GIT2: variants seen among roughly 807,000 people sequenced by gnomAD.
GIT2 encodes ARF GTPase-activating protein GIT2.
GIT2 carries 32 observed loss-of-function variants against 100.3 expected under a neutral mutation model. That is an observed-to-expected ratio of 0.32 (90% confidence interval 0.24 to 0.43). The LOEUF (loss-of-function observed/expected upper bound fraction) is 0.43, where lower values mean the gene tolerates loss of function less well. Ranked by LOEUF, GIT2 falls within the 20% of genes least tolerant of loss-of-function variation. The pLI is 1.00. For missense variants in GIT2, 737 were observed against 975.1 expected (o/e 0.76, Z 3.25); for synonymous variants, 353 against 364.1 (o/e 0.97, Z 0.35).
chr12:109,944,180 TA>T (rs1565942153), intron 16 of GIT2, among the ~76,000 whole-genome samples: 2 of 151,998 alleles, frequency 1.3e-5, no homozygotes, highest in Admixed American at 1.3e-4. Context: ...ACTCTGTCTC[TA>T]AAAAATAAAA....
In GIT2 at chr12:109,929,971, A is replaced by G. The variant is rs1265491250; in HGVS notation, c.*3007T>C. The G allele has an allele frequency of 1.3e-5, 2 of 152,538 alleles. No homozygotes were observed. The highest frequency in any genetic ancestry group is 2.9e-5 in the Non-Finnish European group (2 of 68,042). The allele number at this position is 152,538 out of a possible 1,614,324, so 9.4% of individuals were successfully genotyped here. A position where few individuals can be genotyped will look rare whatever the true frequency, so the allele number is the denominator to read the frequency against. On this transcript the variant is annotated 3_prime_UTR_variant, in exon 20 of 20. Transcript: ENST00000355312. ...GAATAAAAGGCATCTCAGTTTTCCT[A>G]TGCAGCATTTTCTTTTCTAGGAACA...
intron 14 of GIT2, among the ~76,000 whole-genome samples, chr12:109,950,315 G>A (rs1463779039): frequency 6.6e-6 from 1 of 152,204 alleles, no homozygotes; most frequent in Non-Finnish European, 1.5e-5. Flanking sequence ...TCAAATGACA[G>A]CCTAAAGACA....
intron 4 of GIT2, among the ~76,000 whole-genome samples, chr12:109,988,519 G>T (rs2136926090): frequency 6.6e-6 from 1 of 152,020 alleles, no homozygotes; most frequent in East Asian, 1.9e-4. Flanking sequence ...TCCAGCCTGG[G>T]CAACAGAGCA....
In GIT2 at chr12:109,989,033, T is replaced by C. The variant is rs763779421; in HGVS notation, c.335A>G (p.Gln112Arg). The change falls in exon 4 of 20, where the codon CAG (glutamine) becomes CGG (arginine). Residue 112 changes from glutamine to arginine, a missense_variant. Gln to Arg is a conservative substitution (Grantham distance 43, BLOSUM62 1). This residue lies in a region of GIT2 where 266 missense variants were observed against 376.2 expected (regional missense o/e 0.71). Coordinates refer to ENST00000355312, the MANE Select transcript of GIT2 (RefSeq NM_057169.5). The part of the protein sequence containing the change: ...NKAEFIRAKY[Q>R]MLAFVHRLPC... ...CAAGCGATGGACGAACGCTAACATCTGATACTTGGCTCTGATGAATTCCGC... is the reference window on the plus strand; with the variant it reads ...CAAGCGATGGACGAACGCTAACATCCGATACTTGGCTCTGATGAATTCCGC... The C allele has an allele frequency of 1.2e-6, 2 of 1,612,218 alleles. No individual in the cohort carries two copies. Among genetic ancestry groups the C allele is most frequent in the Non-Finnish European group, 1.7e-6 (2 of 1,178,270 alleles).
intron 7 of GIT2, among the ~76,000 whole-genome samples, chr12:109,972,797 G>A (rs571694582): frequency 6.6e-6 from 1 of 151,966 alleles, no homozygotes; most frequent in South Asian, 2.1e-4. Flanking sequence ...TTGCCTATCT[G>A]GAAATCCCAC....
At position 109,959,964 on chromosome 12, in the gene GIT2, G is replaced by C; in HGVS notation, c.988-6C>G. On this transcript the variant is annotated splice_polypyrimidine_tract_variant and splice_region_variant and intron_variant, in intron 11 of 19. Transcript: ENST00000355312. ...CGAGCTAACTTCTGTCTGCCCTAAA[G>C]GTGGGAAAATAATTGGAAATATTTC... The C allele has an allele frequency of 1.3e-6, 2 of 1,587,092 alleles. No individual in the cohort carries two copies. The highest frequency in any genetic ancestry group is 1.7e-6 in the Non-Finnish European group (2 of 1,155,854).
intron 11 of GIT2, among the ~76,000 whole-genome samples, chr12:109,960,643 T>C (rs536357500): frequency 6.6e-6 from 1 of 152,348 alleles, no homozygotes; most frequent in South Asian, 2.1e-4. Context: ...TCCTTATATA[T>C]AGCTGCTAAT....
At chr12:109,954,639 C>T (rs1283856494) in intron 12 of GIT2, 1 of 152,226 alleles carries the variant, frequency 6.6e-6, no homozygotes, top group Non-Finnish European at 1.5e-5. Context: ...GGGCTCACAT[C>T]CGTAATCCCA....
chr12:109,979,606 C>T (rs938778322), intron 7 of GIT2, among the ~76,000 whole-genome samples: 2 of 152,046 alleles, frequency 1.3e-5, no homozygotes, highest in Non-Finnish European at 2.9e-5. Flanking sequence ...TATGTACCTC[C>T]AGGTTTCAGG....
chr12:109,989,160 A>G (rs1353390791), intron 3 of GIT2, 92 bp from the exon 4 acceptor site: 2 of 790,994 alleles, frequency 2.5e-6, no homozygotes, highest in Non-Finnish European at 4.5e-6. Context: ...AGTGACCCAC[A>G]TCCCCCACTT....
intron 7 of GIT2, among the ~76,000 whole-genome samples, chr12:109,977,025 C>T (rs1885245108): frequency 6.6e-6 from 1 of 152,180 alleles, no homozygotes; most frequent in African/African-American, 2.4e-5. Context: ...TTCCCTCTGG[C>T]ATCATTTCCC....
Position 109,967,502 on chromosome 12 carries a change from A to T in GIT2, c.720T>A (p.Asp240Glu). 1 of 1,596,380 alleles carries T rather than the reference A, an allele frequency of 6.3e-7. No homozygotes were observed. The highest frequency in any genetic ancestry group is 8.6e-7 in the Non-Finnish European group (1 of 1,164,014). Reference sequence around the variant, plus strand: ...TTATAAAGTGCTGTCCATTTTTGTGATCTGAAACAGAAACCAAGTCAAAGT... The same window carrying T: ...TTATAAAGTGCTGTCCATTTTTGTGTTCTGAAACAGAAACCAAGTCAAAGT... ...LAFYLCGRKPDHKNGQHFIIP... is the reference protein window; with the variant it reads ...LAFYLCGRKPEHKNGQHFIIP... The change falls in exon 8 of 20, where the codon GAT (aspartate) becomes GAA (glutamate). Residue 240 changes from aspartate (D) to glutamate (E), a missense_variant and splice_region_variant. This residue lies in a region of GIT2 where 266 missense variants were observed against 376.2 expected (regional missense o/e 0.71). Coordinates refer to ENST00000355312, the MANE Select transcript of GIT2 (RefSeq NM_057169.5).
At chr12:109,969,162 C>CTTTTTTTTTTT (rs71079595) in intron 7 of GIT2, among the ~76,000 whole-genome samples, 1 of 89,134 alleles carries the variant, frequency 1.1e-5, no homozygotes, top group Non-Finnish European at 2.1e-5. Context: ...AAAACTTTTC[C>CTTTTTTTTTTT]TTTTTTTTTT....
intron 13 of GIT2, 50 bp downstream of exon 13, chr12:109,953,042 G>A (rs1565954715): frequency 1.3e-6 from 2 of 1,598,128 alleles, no homozygotes; most frequent in Non-Finnish European, 1.7e-6. Flanking sequence ...GGCAGGGCTA[G>A]CCCTCAGCTG....
At chr12:109,999,753 A>C (rs1284174475), upstream of GIT2, 1 of 1,527,952 alleles carries the variant, frequency 6.5e-7, no homozygotes, top group African/African-American at 1.4e-5. The surrounding 1 kb of genome is among the most constrained non-coding windows in gnomAD (Gnocchi z 4.3). Context: ...AAAAACGACT[A>C]CCGGCAGCTC....
At chr12:109,939,682 A>AAAATAAATAAATAAATAAAT (rs59423792) in intron 16 of GIT2, 1 of 140,254 alleles carries the variant, frequency 7.1e-6, no homozygotes, top group Non-Finnish European at 1.5e-5. Context: ...AAAAATAAAT[A>AAAATAAATAAATAAATAAAT]AAATAAATAA....
intron 13 of GIT2, among the ~76,000 whole-genome samples, 189 bp from the exon 14 acceptor site, chr12:109,951,505 A>G (rs1877847055): frequency 6.6e-6 from 1 of 152,230 alleles, no homozygotes; most frequent in Non-Finnish European, 1.5e-5. Flanking sequence ...AAAAATTTGA[A>G]AGTCAGTATT....
At chr12:109,952,405 G>T (rs1426518750) in intron 13 of GIT2, 11 of 484,062 alleles carry the variant, frequency 2.3e-5, no homozygotes, top group Non-Finnish European at 1.2e-5. Flanking sequence ...GCTCCAGTAT[G>T]GATCTCTCCC....
chr12:109,975,610 G>A (rs1336049874), intron 7 of GIT2, among the ~76,000 whole-genome samples: 2 of 151,916 alleles, frequency 1.3e-5, no homozygotes, highest in Non-Finnish European at 2.9e-5. Context: ...ACGGACTTAA[G>A]TCTATAATGT....
Sources: gnomAD v4.1 joint callset for allele counts (sites outside exome capture counted in the v4.1 genomes callset) on GRCh38, gnomAD v4.1.1 for gene constraint, gnomAD v4.1.1 regional missense constraint, Gnocchi (gnomAD v3.1) non-coding constraint, MANE v1.5 for transcripts, NCBI Gene and HGNC (gene_info 2026-07-23, HGNC 2026-07-21) for gene names.